DNAJB6: variants seen among roughly 807,000 people sequenced by gnomAD.
DNAJB6 encodes DnaJ heat shock protein family (Hsp40) member B6, also known as dnaJ homolog subfamily B member 6.
DNAJB6 carries 16 observed loss-of-function variants against 42.7 expected under a neutral mutation model. The observed-to-expected ratio is 0.37, with a 90% CI of 0.25 to 0.57. DNAJB6 has a LOEUF of 0.57. Ranked by LOEUF, DNAJB6 falls within the 20% of genes least tolerant of loss-of-function variation. The pLI is 0.74. For missense variants in DNAJB6, 347 were observed against 416.8 expected (o/e 0.83, Z 1.46); for synonymous variants, 170 against 163.5 (o/e 1.04, Z -0.30).
intron 9 of DNAJB6, chr7:157,410,230 C>G: frequency 9.5e-7 from 1 of 1,051,100 alleles, no homozygotes; most frequent in Non-Finnish European, 1.3e-6. Flanking sequence ...TCCGCGTGTC[C>G]TGTACGCAGC....
rs1457991160 is a variant in DNAJB6 at position 157,340,989 on chromosome 7, TGTGTGTGTG to T, written c.-27+3846_-27+3854del. Reference sequence around the variant, plus strand: ...CTGTGTGTGTGTGTGTGTGTGTGTGTGTGTGTGTGCGCGCGCGCAGGTGGAATCACCCTG... The same window carrying T: ...CTGTGTGTGTGTGTGTGTGTGTGTGTCGCGCGCGCAGGTGGAATCACCCTG... On this transcript the variant is annotated intron_variant, in intron 1 of 9. Transcript: ENST00000262177. Among the ~76,000 whole-genome samples, 9 of 75,008 alleles carry T rather than the reference TGTGTGTGTG, an allele frequency of 1.2e-4. No homozygotes were observed. In the East Asian group the frequency reaches 3.7e-3, roughly 31 times the overall value. The allele number at this position is 75,008 out of a possible 152,430, so 49.2% of individuals were successfully genotyped here.
intron 9 of DNAJB6, chr7:157,411,759 C>CA (rs11446806): frequency 0.66 from 100,409 of 152,088 alleles, 33,365 homozygotes; most frequent in East Asian, 0.77. Context: ...CCCGAGGCCA[C>CA]ACCTGTATGT....
At position 157,401,183 on chromosome 7, in the gene DNAJB6, T is replaced by C. The variant is rs968785718; in HGVS notation, c.692-8612T>C. Among the ~76,000 whole-genome samples the C allele has an allele frequency of 4.2e-4, 64 of 152,190 alleles. 1 individual carries two copies. The highest frequency in any genetic ancestry group is 1.5e-5 in the Non-Finnish European group (1 of 68,030). On this transcript the variant is annotated intron_variant, in intron 8 of 9. Transcript: ENST00000262177. Reference sequence around the variant, plus strand: ...TCAAAGGATTGCTGGCAGTCAGAGCTCTTCAGTCGTGTACATGATTTATAT... The same window carrying C: ...TCAAAGGATTGCTGGCAGTCAGAGCCCTTCAGTCGTGTACATGATTTATAT...
At chr7:157,398,975 A>G (rs1801723443) in intron 8 of DNAJB6, among the ~76,000 whole-genome samples, 1 of 152,240 alleles carries the variant, frequency 6.6e-6, no homozygotes, top group Non-Finnish European at 1.5e-5. Flanking sequence ...GGAAAGTTTT[A>G]AAAGGCTATA....
chr7:157,378,061 A>G (rs1382200002), intron 5 of DNAJB6: 1 of 152,232 alleles, frequency 6.6e-6, no homozygotes, highest in Non-Finnish European at 1.5e-5. Context: ...CTATGTGCCT[A>G]AATATAACAT....
chr7:157,363,147 T>A lies in DNAJB6; in HGVS notation c.66-14T>A. On this transcript the variant is annotated splice_polypyrimidine_tract_variant and intron_variant, in intron 2 of 9. Coordinates refer to ENST00000262177, the MANE Select transcript of DNAJB6 (RefSeq NM_058246.4). ...GGATTTAGAATGTGATCTATATCCTTTATTCTTTCCAAGATATCGGAAACT... is the reference window on the plus strand; with the variant it reads ...GGATTTAGAATGTGATCTATATCCTATATTCTTTCCAAGATATCGGAAACT... The A allele has an allele frequency of 6.4e-7, 1 of 1,556,922 alleles. No individual in the cohort carries two copies. The highest frequency in any genetic ancestry group is 8.8e-7 in the Non-Finnish European group (1 of 1,135,696).
chr7:157,395,134 A>G (rs886165422), intron 8 of DNAJB6, among the ~76,000 whole-genome samples: 5 of 151,684 alleles, frequency 3.3e-5, no homozygotes, highest in African/African-American at 9.7e-5. Flanking sequence ...CAGAAAGCAG[A>G]GAGTTAGCTG....
intron 2 of DNAJB6, among the ~76,000 whole-genome samples, chr7:157,358,887 C>G (rs142150760): frequency 5.3e-5 from 8 of 152,288 alleles, no homozygotes; most frequent in Non-Finnish European, 1.0e-4. Flanking sequence ...GTGAGATAAT[C>G]CCAAACATCT....
intron 5 of DNAJB6, among the ~76,000 whole-genome samples, chr7:157,377,116 C>G (rs1388101479): frequency 6.6e-6 from 1 of 152,190 alleles, no homozygotes; most frequent in Non-Finnish European, 1.5e-5. Flanking sequence ...CAATAGATGA[C>G]AAATGTTTCC....
intron 3 of DNAJB6, among the ~76,000 whole-genome samples, chr7:157,365,898 A>C (rs1799817778): frequency 6.6e-6 from 1 of 151,654 alleles, no homozygotes; most frequent in Non-Finnish European, 1.5e-5. Flanking sequence ...TCCTGACCTC[A>C]GGTGATCGGC....
chr7:157,364,084 C>T lies in DNAJB6; in HGVS notation c.175+814C>T, dbSNP rs73497197. ...TCTGCATGTGGTCAGGTAATTGGCC[C>T]TTATTTACAACAAAAAAAATTTTTT... On this transcript the variant is annotated intron_variant, in intron 3 of 9. Transcript: ENST00000262177. Among the ~76,000 whole-genome samples, 911 of 152,012 alleles carry T rather than the reference C, an allele frequency of 6.0e-3. 8 individuals are homozygous for T. Among genetic ancestry groups the T allele is most frequent in the African/African-American group, 0.021 (869 of 41,490 alleles).
At chr7:157,378,065 A>G (rs2117054671) in intron 5 of DNAJB6, 1 of 152,370 alleles carries the variant, frequency 6.6e-6, no homozygotes, top group East Asian at 1.9e-4. Flanking sequence ...GTGCCTAAAT[A>G]TAACATGCAT....
At chr7:157,383,748 G>A (rs545150790) in intron 6 of DNAJB6, among the ~76,000 whole-genome samples, 5 of 152,206 alleles carry the variant, frequency 3.3e-5, no homozygotes, top group African/African-American at 7.2e-5. Context: ...CACCAGCCAC[G>A]TGTAGCTCCT....
At chr7:157,374,118 G>A (rs1019657826) in intron 5 of DNAJB6, among the ~76,000 whole-genome samples, 3 of 152,204 alleles carry the variant, frequency 2.0e-5, no homozygotes, top group African/African-American at 7.2e-5. Flanking sequence ...TCACATGGTC[G>A]TGAAGCAGTG....
Position 157,409,976 on chromosome 7 carries a change from C to T in DNAJB6, c.873C>T (p.Pro291=). The T allele has an allele frequency of 6.5e-7, 1 of 1,534,388 alleles. No individual in the cohort carries two copies. Residue 291 remains proline (P), a synonymous_variant, in exon 9 of 10, where the codon CCC becomes CCT. Transcript: ENST00000262177. ...GEQDRPRAPG[P]WDPLASAAGL... is the part of the protein sequence containing the mutation. ...AGGACCGACCTCGGGCACCCGGGCC[C>T]TGGGACCCCCTCGCGTCCGCAGCAG...
intron 8 of DNAJB6, among the ~76,000 whole-genome samples, chr7:157,397,062 T>G (rs1801622209): frequency 6.6e-6 from 1 of 152,172 alleles, no homozygotes; most frequent in Non-Finnish European, 1.5e-5. Context: ...CTCTCACCGA[T>G]GTGGACGTGT....
At chr7:157,381,946 C>T (rs1026544879) in intron 5 of DNAJB6, 21 of 192,392 alleles carry the variant, frequency 1.1e-4, no homozygotes, top group African/African-American at 4.5e-4. Context: ...GTGAAAAGAG[C>T]TGAGTTTGAA....
intron 8 of DNAJB6, among the ~76,000 whole-genome samples, chr7:157,401,446 G>A (rs1178911693): frequency 1.3e-5 from 2 of 152,082 alleles, no homozygotes; most frequent in Non-Finnish European, 2.9e-5. Flanking sequence ...CCTGACCTCA[G>A]GTGATCTGCC....
intron 1 of DNAJB6, among the ~76,000 whole-genome samples, chr7:157,342,486 C>T (rs1202445216): frequency 2.0e-5 from 3 of 151,994 alleles, no homozygotes; most frequent in African/African-American, 4.8e-5. Context: ...TACAGGCATG[C>T]ACCACGACAC....
Sources: gnomAD v4.1 joint callset for allele counts (sites outside exome capture counted in the v4.1 genomes callset) on GRCh38, gnomAD v4.1.1 for gene constraint, MANE v1.5 for transcripts, NCBI Gene and HGNC (gene_info 2026-07-23, HGNC 2026-07-21) for gene names.